Variants in CCL24 observed in about 807,000 individuals in gnomAD.
The protein encoded by CCL24 is C-C motif chemokine 24.
A neutral mutation model predicts 8.6 loss-of-function variants in CCL24; 6 were observed. The ratio of observed to expected loss-of-function variants is 0.70; its 90% confidence interval spans 0.38 to 1.38. The LOEUF is 1.38. Ranked by LOEUF, CCL24 falls within the 40% of genes most tolerant of loss-of-function variation. The pLI is 0.02. For synonymous variants in CCL24, 59 were observed against 52.7 expected, an observed-to-expected ratio of 1.12 and a Z score of -0.52; for missense variants, 126 against 147.1, an observed-to-expected ratio of 0.86 and a Z score of 0.74.
rs782667707 is a variant in CCL24, at chr7:75,811,783, G to T, written c.*13C>A. 6.2e-7 allele frequency: 1 copy of T among 1,610,606 alleles called. No individual in the cohort carries two copies. The highest frequency in any genetic ancestry group is 1.1e-5 in the South Asian group (1 of 90,674). On this transcript the variant is annotated 3_prime_UTR_variant, in exon 3 of 3. Coordinates refer to ENST00000222902, the MANE Select transcript of CCL24 (RefSeq NM_002991.3). The stretch of plus-strand genomic sequence containing the variant: ...CTCAGGCCCAAACTCAGGGCTGGAG[G>T]GCTGGGCGGGGATTAGCAGGTGGTT...
intron 2 of CCL24, among the ~76,000 whole-genome samples, chr7:75,812,882 A>G (rs1367370760): frequency 1.3e-5 from 2 of 151,650 alleles, no homozygotes; most frequent in East Asian, 3.9e-4. Context: ...GTGAGCCAAG[A>G]TCGTACCACT....
intron 1 of CCL24, among the ~76,000 whole-genome samples, chr7:75,822,939 C>G (rs962654015): frequency 6.6e-6 from 1 of 152,222 alleles, no homozygotes; most frequent in Non-Finnish European, 1.5e-5. Flanking sequence ...TGGGAAGGAA[C>G]CTATGCCCTT....
At chr7:75,813,515 C>A in intron 1 of CCL24, 92 bp from the exon 2 acceptor site, 1 of 1,255,330 alleles carries the variant, frequency 8.0e-7, no homozygotes, top group East Asian at 2.3e-5. Context: ...GCACCAAACA[C>A]CGCCAGTCCA....
At chr7:75,817,504 C>CT (rs1460359562), upstream of CCL24, among the ~76,000 whole-genome samples, 21 of 125,492 alleles carry the variant, frequency 1.7e-4, no homozygotes, top group African/African-American at 5.9e-4. Flanking sequence ...ACAAAATATC[C>CT]AATTTTTTTT....
intron 1 of CCL24, among the ~76,000 whole-genome samples, chr7:75,821,923 G>C (rs1386303664): frequency 7.4e-6 from 1 of 134,610 alleles, no homozygotes; most frequent in Non-Finnish European, 1.6e-5. Flanking sequence ...GCGAGACTCC[G>C]TCTCAAAAAA....
intron 1 of CCL24, among the ~76,000 whole-genome samples, chr7:75,820,806 T>C (rs1212686124): frequency 6.8e-6 from 1 of 146,966 alleles, no homozygotes; most frequent in Non-Finnish European, 1.5e-5. Context: ...TATCCATCCA[T>C]CCATTCACTA....
intron 1 of CCL24, among the ~76,000 whole-genome samples, chr7:75,821,117 C>T (rs1050066043): frequency 3.9e-5 from 6 of 152,090 alleles, no homozygotes; most frequent in Admixed American, 1.3e-4. Context: ...GGAGGTCTAC[C>T]GAGGCCACAG....
At chr7:75,812,295 T>C (rs1803786075) in intron 2 of CCL24, among the ~76,000 whole-genome samples, 1 of 152,060 alleles carries the variant, frequency 6.6e-6, no homozygotes. Flanking sequence ...CTATGTTGCC[T>C]AGGCTGGTCT....
At chr7:75,817,227 C>G (rs559934759), upstream of CCL24, among the ~76,000 whole-genome samples, 2 of 152,052 alleles carry the variant, frequency 1.3e-5, no homozygotes, top group Non-Finnish European at 2.9e-5. Context: ...GAGGGGATGC[C>G]GGTTGACTGC....
At position 75,813,646 on chromosome 7, in the gene CCL24, T is replaced by G; in HGVS notation, c.70A>C (p.Thr24Pro). 6.2e-7 allele frequency: 1 copy of G among 1,612,832 alleles called. No homozygotes were observed. Among genetic ancestry groups the G allele is most frequent in the African/African-American group, 1.3e-5 (1 of 75,016 alleles). The stretch of plus-strand genomic sequence containing the variant: ...TGCATCCTGTCGGAGGTCTTACCCG[T>G]AGGGATGATGTGGTGGGCACAGACA... The part of the protein sequence containing the change: ...LGVCAHHIIP[T>P]GSVVIPSPCC... The change falls in exon 1 of 3, where the codon ACG (threonine) becomes CCG (proline). Residue 24 changes from threonine (T) to proline (P), a missense_variant. Coordinates refer to ENST00000222902, the MANE Select transcript of CCL24 (RefSeq NM_002991.3).
chr7:75,820,130 TCTCCTC>T (rs1212625006), intron 1 of CCL24, among the ~76,000 whole-genome samples: 1 of 81,374 alleles, frequency 1.2e-5, no homozygotes, highest in African/African-American at 3.9e-5. Context: ...TTCTTCTTCT[TCTCCTC>T]CTCCTCCTCC....
intron 1 of CCL24, among the ~76,000 whole-genome samples, chr7:75,820,071 T>TTCC (rs1491358787): frequency 1.1e-4 from 15 of 137,522 alleles, no homozygotes; most frequent in East Asian, 7.6e-4. Flanking sequence ...CTTCTTCTTC[T>TTCC]TCTTCTTCTT....
intron 1 of CCL24, among the ~76,000 whole-genome samples, chr7:75,821,996 G>A (rs1372165500): frequency 3.3e-5 from 5 of 151,808 alleles, no homozygotes; most frequent in South Asian, 2.1e-4. Flanking sequence ...CAGCTACTCC[G>A]GAGGCTGAGG....
upstream of CCL24, among the ~76,000 whole-genome samples, chr7:75,818,643 A>G: frequency 7.6e-6 from 1 of 131,956 alleles, no homozygotes. Flanking sequence ...AAAGAGGAAG[A>G]GGGAAGCAGT....
upstream of CCL24, among the ~76,000 whole-genome samples, chr7:75,816,571 A>ATTTATTTAT (rs139417962): frequency 4.3e-3 from 650 of 151,648 alleles, 6 homozygotes; most frequent in Middle Eastern, 0.031. Flanking sequence ...TTATTTATTT[A>ATTTATTTAT]TTATTTTTGA....
upstream of CCL24, among the ~76,000 whole-genome samples, chr7:75,818,094 G>A (rs150958779): frequency 0.01 from 1,577 of 152,160 alleles, 31 homozygotes; most frequent in African/African-American, 0.036. Context: ...GCCTCCCAAA[G>A]TGCTGGGATG....
chr7:75,821,772 C>T (rs1187423913), intron 1 of CCL24, among the ~76,000 whole-genome samples: 1 of 151,802 alleles, frequency 6.6e-6, no homozygotes, highest in Non-Finnish European at 1.5e-5. Context: ...ACTAAAAATA[C>T]AAAAAATTAG....
chr7:75,815,567 C>T (rs765130378), upstream of CCL24, among the ~76,000 whole-genome samples: 26 of 152,178 alleles, frequency 1.7e-4, no homozygotes, highest in Non-Finnish European at 1.3e-4. Context: ...TAGCTGACAG[C>T]TGCACTGAGG....
At chr7:75,812,601 A>G (rs1554533560) in intron 2 of CCL24, among the ~76,000 whole-genome samples, 1 of 152,142 alleles carries the variant, frequency 6.6e-6, no homozygotes, top group African/African-American at 2.4e-5. Flanking sequence ...GTGCCCCTGA[A>G]TAGTGACTTG....
Sources: gnomAD v4.1 joint callset for allele counts (sites outside exome capture counted in the v4.1 genomes callset) on GRCh38, gnomAD v4.1.1 for gene constraint, MANE v1.5 for transcripts, NCBI Gene and HGNC (gene_info 2026-07-23, HGNC 2026-07-21) for gene names.